The following PROZ variants were observed in gnomAD, a reference collection of about 807,000 sequenced individuals.
PROZ encodes the protein vitamin K-dependent protein Z.
In PROZ, 46 loss-of-function variants were observed where a neutral mutation model predicts 34.9. The observed-to-expected ratio is 1.32, with a 90% CI of 1.04 to 1.69. The LOEUF is 1.69. Ranked by LOEUF, PROZ falls within the 40% of genes most tolerant of loss-of-function variation. PROZ has a pLI of 0.00. For synonymous variants in PROZ, 195 were observed against 208.5 expected (o/e 0.94, Z 0.56); for missense variants, 530 against 520.4 (o/e 1.02, Z -0.18).
intron 6 of PROZ, among the ~76,000 whole-genome samples, chr13:113,165,802 A>G (rs2036912532): frequency 1.3e-5 from 2 of 152,210 alleles, no homozygotes; most frequent in Admixed American, 1.3e-4. Context: ...AAGTGCTGGG[A>G]TTACAGGCGT....
At chr13:113,164,875 G>C in intron 5 of PROZ, 178 bp from the exon 6 acceptor site, 4 of 931,166 alleles carry the variant, frequency 4.3e-6, no homozygotes, top group Non-Finnish European at 6.7e-6. Context: ...TGCTGTGAGG[G>C]GTGGTTTAAC....
Position 113,160,098 on chromosome 13 carries a change from G to A in PROZ, c.155G>A (p.Gly52Glu). The change falls in exon 2 of 8, where the codon GGA becomes GAA. Residue 52 changes from glycine (G) to glutamate (E), a missense_variant. Physicochemically the swap from Gly to Glu is moderately conservative, Grantham distance 98 (BLOSUM62 -2). Coordinates refer to ENST00000375547, the MANE Select transcript of PROZ (RefSeq NM_003891.3). Reference sequence around the variant, plus strand: ...TATCTTCTGGAAGAACTCTTCGAGGGAAACTTGGAAAAAGAATGTTATGAA... The same window carrying A: ...TATCTTCTGGAAGAACTCTTCGAGGAAAACTTGGAAAAAGAATGTTATGAA... Reference protein sequence around the residue: ...GSYLLEELFEGNLEKECYEEI... With the variant: ...GSYLLEELFEENLEKECYEEI... 1 of 1,614,146 alleles carries A rather than the reference G, an allele frequency of 6.2e-7. No homozygotes were observed. The highest frequency in any genetic ancestry group is 8.5e-7 in the Non-Finnish European group (1 of 1,180,008).
At chr13:113,169,697 CACT>C in intron 6 of PROZ, among the ~76,000 whole-genome samples, 1 of 152,244 alleles carries the variant, frequency 6.6e-6, no homozygotes, top group East Asian at 1.9e-4. Flanking sequence ...CCCCGTGCCC[CACT>C]GAGTCAGGGA....
At chr13:113,164,126 C>T (rs976497395) in intron 4 of PROZ, among the ~76,000 whole-genome samples, 29 of 151,882 alleles carry the variant, frequency 1.9e-4, no homozygotes, top group African/African-American at 4.4e-4. Flanking sequence ...ACTACAGGCA[C>T]GCGCCACCAC....
chr13:113,164,540 C>T lies in PROZ; in HGVS notation c.401C>T (p.Thr134Ile), dbSNP rs752041381. The change falls in exon 5 of 8, where the codon ACT becomes ATT. Residue 134 changes from threonine to isoleucine, a missense_variant. Transcript: ENST00000375547. ...AAAAATGAATGTCACCCAGAGCGGA[C>T]TGATGGGTGTCAACACTTCTGCCTC... ...LAKNECHPERTDGCQHFCLPG... is the reference protein window; with the variant it reads ...LAKNECHPERIDGCQHFCLPG... The T allele has an allele frequency of 1.2e-6, 2 of 1,613,094 alleles. No homozygotes were observed. The highest frequency in any genetic ancestry group is 3.3e-5 in the Admixed American group (2 of 59,934).
intron 6 of PROZ, among the ~76,000 whole-genome samples, chr13:113,169,593 A>AT (rs1167355679): frequency 6.6e-6 from 1 of 152,304 alleles, no homozygotes; most frequent in East Asian, 1.9e-4. Context: ...CCTTTGGCAC[A>AT]TTGCTCTTAA....
chr13:113,169,822 T>C (rs796564), intron 6 of PROZ, among the ~76,000 whole-genome samples: 152,353 of 152,372 alleles, frequency 1, 76,167 homozygotes, highest in Non-Finnish European at 1. Context: ...TTAGTCTCCA[T>C]GTACACGTGA....
intron 6 of PROZ, among the ~76,000 whole-genome samples, chr13:113,165,703 A>G (rs1158663702): frequency 6.6e-6 from 1 of 151,856 alleles, no homozygotes; most frequent in African/African-American, 2.4e-5. Flanking sequence ...GCTGATTTTT[A>G]TATTTTTAGT....
Position 113,163,017 on chromosome 13 carries a change from C to T in PROZ, c.268C>T (p.Pro90Ser). 1 of 1,553,860 alleles carries T rather than the reference C, an allele frequency of 6.4e-7. No homozygotes were observed. The highest frequency in any genetic ancestry group is 2.4e-5 in the East Asian group (1 of 41,272). Reference protein sequence around the residue: ...EFWRRYKGGSPCISQPCLHNG... With the variant: ...EFWRRYKGGSSCISQPCLHNG... ...CCATCCTCCTCCTGCAGGCGGCTCC[C>T]CGTGCATCTCCCAGCCCTGCCTCCA... Residue 90 changes from proline to serine, a missense_variant, in exon 4 of 8, where the codon CCG (proline) becomes TCG (serine). Pro to Ser is a moderately conservative substitution (Grantham distance 74). Transcript: ENST00000375547.
Position 113,161,542 on chromosome 13 carries a change from T to G in PROZ, c.259+570T>G, listed in dbSNP as rs552953074. Among the ~76,000 whole-genome samples the G allele has an allele frequency of 3.2e-3, 492 of 151,912 alleles. 2 individuals are homozygous for G. The highest frequency in any genetic ancestry group is 0.011 in the African/African-American group (459 of 41,410). ...ACCACCAGACAAGCACGGGGACAAC[T>G]GGGCACAGAAGGAAGCGGGAGAGGC... is the stretch of plus-strand genomic sequence containing the variant. On this transcript the variant is annotated intron_variant, in intron 3 of 7. Transcript: ENST00000375547.
At chr13:113,168,232 G>A (rs2037003301) in intron 6 of PROZ, among the ~76,000 whole-genome samples, 1 of 152,240 alleles carries the variant, frequency 6.6e-6, no homozygotes, top group Non-Finnish European at 1.5e-5. Flanking sequence ...AATATTTAAT[G>A]GGATGTCATA....
At chr13:113,170,943 G>GTT (rs2138610535) in intron 7 of PROZ, among the ~76,000 whole-genome samples, 1 of 149,566 alleles carries the variant, frequency 6.7e-6, no homozygotes, top group Non-Finnish European at 1.5e-5. Flanking sequence ...TTTTTTTTGA[G>GTT]ACAGAGTCTC....
intron 6 of PROZ, 30 bp downstream of exon 6, chr13:113,165,150 T>A (rs1460993415): frequency 2.5e-6 from 4 of 1,590,426 alleles, no homozygotes; most frequent in Non-Finnish European, 3.4e-6. Flanking sequence ...GTGCTTCAAT[T>A]TATTGTTATG....
intron 6 of PROZ, among the ~76,000 whole-genome samples, chr13:113,166,604 G>T (rs2036941430): frequency 6.6e-6 from 1 of 152,364 alleles, no homozygotes; most frequent in East Asian, 1.9e-4. Context: ...AAACCGAAGG[G>T]AGGCAAAGCA....
Position 113,159,971 on chromosome 13 carries a change from C to A in PROZ, c.71-43C>A, listed in dbSNP as rs367806003. 2 of 1,609,372 alleles carry A rather than the reference C, an allele frequency of 1.2e-6. No homozygotes were observed. The highest frequency in any genetic ancestry group is 1.7e-6 in the Non-Finnish European group (2 of 1,176,962). On this transcript the variant is annotated intron_variant, in intron 1 of 7. Transcript: ENST00000375547. This position sits in a 1 kb window ranked among gnomAD's most constrained non-coding sequence, Gnocchi z 4.6. ...AGCCAGGCAGCTCTGGAAAGCAGGG[C>A]CCTCGGTGCTCCCAGTCACCTGCCT... is the stretch of plus-strand genomic sequence containing the variant.
chr13:113,164,180 A>G (rs376581819), intron 4 of PROZ, among the ~76,000 whole-genome samples: 13 of 152,064 alleles, frequency 8.5e-5, no homozygotes, highest in Admixed American at 2.6e-4. Context: ...GGGTTTCACC[A>G]TGTTGGCCAG....
chr13:113,172,193 TCA>T lies in PROZ; in HGVS notation c.*94_*95del, dbSNP rs1321810776. On this transcript the variant is annotated 3_prime_UTR_variant, in exon 8 of 8. Transcript: ENST00000375547. The stretch of plus-strand genomic sequence containing the variant: ...CACTGTGGAGGGCGCTGAAACTTCA[TCA>T]CACACTGAGAGGCCGTCACAGCCCC... 1 of 1,536,886 alleles carries T rather than the reference TCA, an allele frequency of 6.5e-7. No homozygotes were observed. Among genetic ancestry groups the T allele is most frequent in the East Asian group, 2.3e-5 (1 of 42,734 alleles).
In PROZ at chr13:113,172,212, C is replaced by A; in HGVS notation, c.*107C>A. 2 of 1,478,792 alleles carry A rather than the reference C, an allele frequency of 1.4e-6. No homozygotes were observed. The highest frequency in any genetic ancestry group is 1.2e-5 in the South Asian group (1 of 83,284). 91.6% of individuals were successfully genotyped at this position (1,478,792 alleles called of 1,614,324 possible). ...ACTTCATCACACACTGAGAGGCCGT[C>A]ACAGCCCCAGACCACCCGCTTGGCC... On this transcript the variant is annotated 3_prime_UTR_variant, in exon 8 of 8. Transcript: ENST00000375547.
Position 113,172,270 on chromosome 13 carries a change from GT to G in PROZ, c.*168del. ...CAGCAGAGCCGCCGTTTGCTGGGTT[GT>G]TTACCGAGCACTGTGACCTTTCTTT... On this transcript the variant is annotated 3_prime_UTR_variant, in exon 8 of 8. Coordinates refer to ENST00000375547, the MANE Select transcript of PROZ (RefSeq NM_003891.3). The G allele has an allele frequency of 1.1e-6, 1 of 914,708 alleles. No homozygotes were observed. Among genetic ancestry groups the G allele is most frequent in the Non-Finnish European group, 1.7e-6 (1 of 591,602 alleles). 56.7% of individuals were successfully genotyped at this position (914,708 alleles called of 1,614,324 possible). A position where few individuals can be genotyped will look rare whatever the true frequency, so the allele number is the denominator to read the frequency against.
Sources: gnomAD v4.1 joint callset for allele counts (sites outside exome capture counted in the v4.1 genomes callset) on GRCh38, gnomAD v4.1.1 for gene constraint, Gnocchi (gnomAD v3.1) non-coding constraint, MANE v1.5 for transcripts, NCBI Gene and HGNC (gene_info 2026-07-23, HGNC 2026-07-21) for gene names.